Variants in NAALADL2 observed in about 807,000 individuals in gnomAD.
NAALADL2 encodes the protein N-acetylated alpha-linked acidic dipeptidase like 2.
In NAALADL2, 76 loss-of-function variants were observed where a neutral mutation model predicts 87.2. The ratio of observed to expected loss-of-function variants is 0.87; its 90% CI spans 0.72 to 1.05. NAALADL2 has a LOEUF of 1.05. NAALADL2 is among the 50% of genes least tolerant of loss of function. NAALADL2 has a pLI of 0.00. For missense variants in NAALADL2, 1,089 were observed against 945.8 expected, an observed-to-expected ratio of 1.15 and a Z score of -1.99; for synonymous variants, 354 against 331.0, an observed-to-expected ratio of 1.07 and a Z score of -0.75.
chr3:175,128,343 C>T (rs1727284232), intron 2 of NAALADL2, among the ~76,000 whole-genome samples: 3 of 152,204 alleles, frequency 2.0e-5, no homozygotes, highest in Admixed American at 6.5e-5. Context: ...ATTTGAAGAT[C>T]ATGGTTGTCT....
chr3:174,796,441 A>G lies in NAALADL2; in HGVS notation c.-9+58695A>G, dbSNP rs144614240. The stretch of plus-strand genomic sequence containing the variant: ...TATTCTATGCCCATGTGTATTCATT[A>G]TTTAGCTCCCACGTGTAAGTGAGAA... On this transcript the variant is annotated intron_variant, in intron 3 of 3. Coordinates refer to the NAALADL2 transcript ENST00000434257. Among the ~76,000 whole-genome samples, 654 of 152,164 alleles carry G rather than the reference A, an allele frequency of 4.3e-3. 5 individuals carry two copies. Among genetic ancestry groups the G allele is most frequent in the African/African-American group, 0.015 (626 of 41,524 alleles).
chr3:175,371,959 G>A (rs1191641413), intron 5 of NAALADL2, among the ~76,000 whole-genome samples: 6 of 152,028 alleles, frequency 3.9e-5, no homozygotes, highest in Admixed American at 3.9e-4. Context: ...AAGAAATATT[G>A]CCATTCTGAG....
chr3:175,456,546 C>A (rs753716748), intron 6 of NAALADL2, among the ~76,000 whole-genome samples: 1 of 151,888 alleles, frequency 6.6e-6, no homozygotes. Flanking sequence ...CAACTTTCAA[C>A]GGTGAATTTT....
At chr3:175,549,976 G>A (rs1037738181) in intron 9 of NAALADL2, among the ~76,000 whole-genome samples, 10 of 151,994 alleles carry the variant, frequency 6.6e-5, no homozygotes, top group Admixed American at 6.6e-4. Flanking sequence ...GAAATAGGTA[G>A]GCCCAGAAGC....
At chr3:175,581,542 A>T (rs1302952001) in intron 10 of NAALADL2, among the ~76,000 whole-genome samples, 2 of 152,220 alleles carry the variant, frequency 1.3e-5, no homozygotes, top group East Asian at 3.9e-4. Context: ...TAAAAGTATG[A>T]AGAAAAATCT....
At chr3:174,581,959 T>A (rs1373314524) in intron 2 of NAALADL2, among the ~76,000 whole-genome samples, 1 of 152,218 alleles carries the variant, frequency 6.6e-6, no homozygotes. Flanking sequence ...TGTAGCACAA[T>A]TAATTCTTTT....
chr3:175,588,745 A>G (rs1301460900), intron 10 of NAALADL2, among the ~76,000 whole-genome samples: 1 of 151,882 alleles, frequency 6.6e-6, no homozygotes, highest in African/African-American at 2.4e-5. Context: ...TCACCGTGTT[A>G]GCCAGGATGG....
intron 2 of NAALADL2, among the ~76,000 whole-genome samples, chr3:174,674,523 C>T (rs1726866183): frequency 6.6e-6 from 1 of 151,542 alleles, no homozygotes; most frequent in South Asian, 2.1e-4. Context: ...TTTTTTTCCA[C>T]CTATCTTTAT....
intron 1 of NAALADL2, among the ~76,000 whole-genome samples, chr3:175,028,311 A>T (rs1376877905): frequency 1.3e-5 from 2 of 152,140 alleles, no homozygotes; most frequent in Non-Finnish European, 2.9e-5. Flanking sequence ...CAATTTAACA[A>T]TTTCTCATTT....
intron 3 of NAALADL2, among the ~76,000 whole-genome samples, chr3:174,835,029 C>T (rs58650062): frequency 0.27 from 40,943 of 151,644 alleles, 6,323 homozygotes; most frequent in African/African-American, 0.41. Flanking sequence ...TGGAAACTTA[C>T]ACTTTCTAAT....
chr3:175,124,472 A>G (rs892542656), intron 2 of NAALADL2: 4 of 151,974 alleles, frequency 2.6e-5, no homozygotes, highest in African/African-American at 4.8e-5. Flanking sequence ...ATAGGAGAGG[A>G]AAGGCAACTG....
At chr3:174,635,899 G>C (rs1722598110) in intron 2 of NAALADL2, among the ~76,000 whole-genome samples, 1 of 152,152 alleles carries the variant, frequency 6.6e-6, no homozygotes, top group Admixed American at 6.5e-5. Flanking sequence ...TGTGATGTGA[G>C]AGATAGTCAT....
Position 174,737,364 on chromosome 3 carries a change from T to C in NAALADL2, c.-114-277T>C, listed in dbSNP as rs532690893. 1.2e-4 allele frequency among the ~76,000 whole-genome samples: 18 copies of C among 152,356 alleles called. 1 individual carries two copies. The South Asian group carries it at 3.5e-3, about 30-fold the overall frequency. On this transcript the variant is annotated intron_variant, in intron 2 of 3. Coordinates refer to the NAALADL2 transcript ENST00000434257. The stretch of plus-strand genomic sequence containing the variant: ...AAGTGTGCAATTTATGCTTGCCGAA[T>C]TGATTGAAATGTAAACATGGAAAAA...
intron 13 of NAALADL2, among the ~76,000 whole-genome samples, chr3:175,767,362 T>A (rs1008334963): frequency 6.6e-6 from 1 of 152,182 alleles, no homozygotes; most frequent in Admixed American, 6.5e-5. Context: ...GCAATTGATA[T>A]AATCCTTAAA....
intron 3 of NAALADL2, among the ~76,000 whole-genome samples, chr3:174,817,062 C>CT (rs1720891756): frequency 6.6e-6 from 1 of 152,068 alleles, no homozygotes; most frequent in South Asian, 2.1e-4. Context: ...GACTTTAGTT[C>CT]TTTTTTATTT....
chr3:175,501,693 AT>A (rs1729573401), intron 9 of NAALADL2, among the ~76,000 whole-genome samples: 1 of 152,180 alleles, frequency 6.6e-6, no homozygotes, highest in Non-Finnish European at 1.5e-5. Flanking sequence ...AGGTTTCAGA[AT>A]AAAAATTAAT....
rs577236934 is a variant in NAALADL2, at chr3:175,333,248, G to A, written c.1090+8923G>A. On this transcript the variant is annotated intron_variant, in intron 5 of 13. Transcript: ENST00000454872. ...TGGTGGTGGCAGGTTGGGTGAATCC[G>A]ATCTCAGGTCCCCAAGAGGAGTGCT... Among the ~76,000 whole-genome samples, 66 of 152,256 alleles carry A rather than the reference G, an allele frequency of 4.3e-4. No individual in the cohort carries two copies. In the South Asian group the frequency reaches 5.2e-3, roughly 12 times the overall value.
At chr3:175,397,129 C>T (rs996111331) in intron 5 of NAALADL2, 1 of 152,040 alleles carries the variant, frequency 6.6e-6, no homozygotes, top group African/African-American at 2.4e-5. Context: ...ACAACAACAA[C>T]AACAACAACA....
intron 2 of NAALADL2, among the ~76,000 whole-genome samples, chr3:174,711,690 G>T (rs1303678610): frequency 6.6e-6 from 1 of 152,108 alleles, no homozygotes; most frequent in African/African-American, 2.4e-5. Flanking sequence ...CTATGTGTTT[G>T]TTTGTTGGTA....
Sources: gnomAD v4.1 joint callset for allele counts (sites outside exome capture counted in the v4.1 genomes callset) on GRCh38, gnomAD v4.1.1 for gene constraint, MANE v1.5 for transcripts, NCBI Gene and HGNC (gene_info 2026-07-23, HGNC 2026-07-21) for gene names.